The following PCDHGB1 variants were observed in gnomAD, a reference collection of about 807,000 sequenced individuals.
PCDHGB1 encodes the protein protocadherin gamma-B1.
A neutral mutation model predicts 56.6 loss-of-function variants in PCDHGB1; 34 were observed. The observed-to-expected ratio is 0.60, with a 90% CI of 0.46 to 0.80. The LOEUF is 0.80. Ranked by LOEUF, PCDHGB1 falls within the 30% of genes least tolerant of loss-of-function variation. PCDHGB1 has a pLI of 0.00. For missense variants in PCDHGB1, 1,278 were observed against 1,204.6 expected, an observed-to-expected ratio of 1.06 and a Z score of -0.90; for synonymous variants, 561 against 505.9, an observed-to-expected ratio of 1.11 and a Z score of -1.46.
chr5:141,410,189 G>T, intron 1 of PCDHGB1: 1 of 1,613,992 alleles, frequency 6.2e-7, no homozygotes, highest in Non-Finnish European at 8.5e-7. Flanking sequence ...GCTTCATCTG[G>T]TCTTCGCAGA....
intron 1 of PCDHGB1, among the ~76,000 whole-genome samples, chr5:141,488,697 A>T (rs1337725245): frequency 6.6e-6 from 1 of 152,162 alleles, no homozygotes; most frequent in Non-Finnish European, 1.5e-5. Context: ...GAAGGACAAG[A>T]TTTTGCTGGT....
rs1333419586 is a variant in PCDHGB1 at position 141,485,206 on chromosome 5, C to T, written c.2410-9601C>T. 1 of 1,614,116 alleles carries T rather than the reference C, an allele frequency of 6.2e-7. No individual in the cohort carries two copies. The highest frequency in any genetic ancestry group is 8.5e-7 in the Non-Finnish European group (1 of 1,179,946). ...GCAAGGTGAGAAGCTGGACAGAAAT[C>T]TGGCGGTGGGCTACCCTTTTGTTCC... On this transcript the variant is annotated intron_variant, in intron 1 of 3. Coordinates refer to ENST00000523390, the MANE Select transcript of PCDHGB1 (RefSeq NM_018922.3). The surrounding 1 kb of genome is among the most constrained non-coding windows in gnomAD (Gnocchi z 5.7).
chr5:141,403,210 C>G (rs369033480), intron 1 of PCDHGB1: 1 of 1,613,946 alleles, frequency 6.2e-7, no homozygotes, highest in Admixed American at 1.7e-5. Flanking sequence ...CCTTGGTCAC[C>G]GCGGGTAGGA....
intron 1 of PCDHGB1, chr5:141,376,645 T>A (rs1174597911): frequency 5.9e-6 from 6 of 1,010,322 alleles, no homozygotes; most frequent in Non-Finnish European, 7.1e-6. Context: ...TTTTGTAAAG[T>A]GGAAGACTCC....
intron 1 of PCDHGB1, chr5:141,410,048 C>T (rs1471679304): frequency 4.3e-6 from 7 of 1,613,042 alleles, no homozygotes; most frequent in Non-Finnish European, 4.2e-6. Flanking sequence ...TGAGCCCGGA[C>T]TCTTCAGCCT....
At chr5:141,368,303 C>G (rs981191656) in intron 1 of PCDHGB1, among the ~76,000 whole-genome samples, 4 of 152,066 alleles carry the variant, frequency 2.6e-5, no homozygotes, top group African/African-American at 9.7e-5. Context: ...TTTTTAAACA[C>G]TGTTAAAGAG....
intron 2 of PCDHGB1, among the ~76,000 whole-genome samples, chr5:141,501,018 G>A (rs1337771734): frequency 2.0e-5 from 3 of 151,882 alleles, no homozygotes; most frequent in East Asian, 1.9e-4. Context: ...ACAGGCACGC[G>A]CCACCACGCC....
chr5:141,417,800 C>T, intron 1 of PCDHGB1: 1 of 1,489,386 alleles, frequency 6.7e-7, no homozygotes. Context: ...TCTTTTAGCG[C>T]GGTAGAGTGC....
intron 1 of PCDHGB1, among the ~76,000 whole-genome samples, chr5:141,462,769 G>T (rs1462290112): frequency 6.6e-6 from 1 of 151,956 alleles, no homozygotes; most frequent in African/African-American, 2.4e-5. Flanking sequence ...TCCTGGCTTG[G>T]GGTCATAATT....
chr5:141,455,905 T>TTATG (rs2098836561), intron 1 of PCDHGB1, among the ~76,000 whole-genome samples: 1 of 148,340 alleles, frequency 6.7e-6, no homozygotes, highest in Admixed American at 6.7e-5. Flanking sequence ...ATTTATTTAT[T>TTATG]TATTTATTTT....
chr5:141,355,281 G>A (rs1201255791), intron 1 of PCDHGB1: 3 of 1,613,732 alleles, frequency 1.9e-6, no homozygotes, highest in Non-Finnish European at 1.7e-6. Flanking sequence ...TGGAAATCAG[G>A]GCCGAACAGA....
intron 1 of PCDHGB1, chr5:141,402,959 G>C: frequency 1.2e-5 from 19 of 1,604,470 alleles, no homozygotes; most frequent in Non-Finnish European, 1.5e-5. Context: ...AGCAATGGCA[G>C]CTCCAACCAA....
At chr5:141,361,727 C>G in intron 1 of PCDHGB1, 13 of 1,613,274 alleles carry the variant, frequency 8.1e-6, no homozygotes, top group Non-Finnish European at 1.1e-5. Flanking sequence ...TTCGAGCTCA[C>G]ACTGCAGGCC....
Position 141,476,461 on chromosome 5 carries a change from G to T in PCDHGB1, c.2410-18346G>T. On this transcript the variant is annotated intron_variant, in intron 1 of 3. Transcript: ENST00000523390. This position sits in a 1 kb window ranked among gnomAD's most constrained non-coding sequence, Gnocchi z 7.6. The stretch of plus-strand genomic sequence containing the variant: ...CTCTGGAGTTGGTAGTGGAGAACCC[G>T]CTGGAGCTGTTCAGCGTGGAAGTGG... The T allele has an allele frequency of 6.2e-7, 1 of 1,614,122 alleles. No homozygotes were observed. Among genetic ancestry groups the T allele is most frequent in the Non-Finnish European group, 8.5e-7 (1 of 1,180,022 alleles).
In PCDHGB1 at chr5:141,476,229, C is replaced by T; in HGVS notation, c.2410-18578C>T. ...TCCACGGTCATTCACTATGAGATCC[C>T]GGAGGAAAGAGAGAAGGGTTTCGCT... On this transcript the variant is annotated intron_variant, in intron 1 of 3. Coordinates refer to ENST00000523390, the MANE Select transcript of PCDHGB1 (RefSeq NM_018922.3). The surrounding 1 kb of genome is among the most constrained non-coding windows in gnomAD (Gnocchi z 7.6). 1 of 1,613,872 alleles carries T rather than the reference C, an allele frequency of 6.2e-7. No individual in the cohort carries two copies. The highest frequency in any genetic ancestry group is 2.2e-5 in the East Asian group (1 of 44,822).
In PCDHGB1 at chr5:141,476,780, C is replaced by T. The variant is rs201463036; in HGVS notation, c.2410-18027C>T. On this transcript the variant is annotated intron_variant, in intron 1 of 3. Transcript: ENST00000523390. This position sits in a 1 kb window ranked among gnomAD's most constrained non-coding sequence, Gnocchi z 7.6. ...GCTGACGGCGTTGGACGGAGGGACCCCAGCTCTCTCCGCCAGCCTGCCTAT... is the reference window on the plus strand; with the variant it reads ...GCTGACGGCGTTGGACGGAGGGACCTCAGCTCTCTCCGCCAGCCTGCCTAT... 234 of 1,613,464 alleles carry T rather than the reference C, an allele frequency of 1.5e-4. No individual in the cohort carries two copies. Among genetic ancestry groups the T allele is most frequent in the Non-Finnish European group, 1.9e-4 (227 of 1,180,026 alleles).
chr5:141,401,106 G>A (rs1259844433), intron 1 of PCDHGB1, among the ~76,000 whole-genome samples: 5 of 152,208 alleles, frequency 3.3e-5, no homozygotes, highest in African/African-American at 9.6e-5. Context: ...CACTTTGGGA[G>A]GCCGAGGCGG....
At chr5:141,403,083 T>A (rs775664314) in intron 1 of PCDHGB1, 2 of 1,613,932 alleles carry the variant, frequency 1.2e-6, no homozygotes, top group East Asian at 4.5e-5. Flanking sequence ...AAGGGCTATA[T>A]TGTGGGCAAC....
intron 3 of PCDHGB1, among the ~76,000 whole-genome samples, chr5:141,510,531 T>C (rs1459536719): frequency 6.6e-6 from 1 of 152,078 alleles, no homozygotes; most frequent in Non-Finnish European, 1.5e-5. Context: ...CTGAGAGAAA[T>C]ACCAGCGAAT....
Sources: gnomAD v4.1 joint callset for allele counts (sites outside exome capture counted in the v4.1 genomes callset) on GRCh38, gnomAD v4.1.1 for gene constraint, Gnocchi (gnomAD v3.1) non-coding constraint, MANE v1.5 for transcripts, NCBI Gene and HGNC (gene_info 2026-07-23, HGNC 2026-07-21) for gene names.